The following KCNH7 variants were observed in gnomAD, a reference collection of about 807,000 sequenced individuals.
The protein encoded by KCNH7 is voltage-gated inwardly rectifying potassium channel KCNH7.
A neutral mutation model predicts 120.8 loss-of-function variants in KCNH7; 49 were observed. The observed-to-expected ratio is 0.41, with a 90% CI of 0.32 to 0.51. The LOEUF (loss-of-function observed/expected upper bound fraction) is 0.51, where lower values mean the gene tolerates loss of function less well. KCNH7 is among the 20% of genes least tolerant of loss of function. The pLI, the probability that KCNH7 is intolerant of heterozygous loss-of-function variation, is 0.38. For missense variants in KCNH7, 1,097 were observed against 1,446.6 expected (o/e 0.76, Z 3.92); for synonymous variants, 547 against 516.1 (o/e 1.06, Z -0.81).
intron 2 of KCNH7, among the ~76,000 whole-genome samples, chr2:162,587,236 T>C (rs1179458366): frequency 1.3e-5 from 2 of 151,020 alleles, no homozygotes; most frequent in Non-Finnish European, 3.0e-5. Context: ...ATTGACTACA[T>C]CTTTTATTTG....
intron 2 of KCNH7, among the ~76,000 whole-genome samples, chr2:162,645,106 A>G (rs1439116270): frequency 1.3e-5 from 2 of 152,062 alleles, no homozygotes; most frequent in African/African-American, 4.8e-5. Context: ...AAAAATCCCC[A>G]TGGCACTACT....
At chr2:162,381,393 C>T (rs1227265621) in intron 13 of KCNH7, among the ~76,000 whole-genome samples, 1 of 152,070 alleles carries the variant, frequency 6.6e-6, no homozygotes, top group Non-Finnish European at 1.5e-5. Context: ...AAGTTCCTTC[C>T]TTTCCTGCAG....
At chr2:162,773,413 A>G (rs1460733222) in intron 2 of KCNH7, among the ~76,000 whole-genome samples, 2 of 152,132 alleles carry the variant, frequency 1.3e-5, no homozygotes, top group African/African-American at 4.8e-5. Context: ...GCTCGAACCC[A>G]GGAGGTGGAG....
intron 2 of KCNH7, among the ~76,000 whole-genome samples, chr2:162,622,703 T>C (rs1380559960): frequency 6.6e-6 from 1 of 152,150 alleles, no homozygotes; most frequent in African/African-American, 2.4e-5. Context: ...TATGTGCCAC[T>C]AAGAGGCCAG....
At chr2:162,706,383 A>T (rs2105350710) in intron 2 of KCNH7, among the ~76,000 whole-genome samples, 1 of 152,142 alleles carries the variant, frequency 6.6e-6, no homozygotes, top group Non-Finnish European at 1.5e-5. Context: ...CAGTTTCCAT[A>T]TACTTCCCAC....
chr2:162,819,581 T>C (rs754261858), intron 2 of KCNH7, among the ~76,000 whole-genome samples: 9 of 152,204 alleles, frequency 5.9e-5, no homozygotes, highest in Non-Finnish European at 8.8e-5. Context: ...GGTATATGGA[T>C]CATTCCTTCC....
chr2:162,486,072 G>A (rs1690085987), intron 6 of KCNH7, among the ~76,000 whole-genome samples: 1 of 152,170 alleles, frequency 6.6e-6, no homozygotes, highest in Admixed American at 6.5e-5. Flanking sequence ...AGACCATTAT[G>A]CGATATTTTT....
At chr2:162,542,251 A>G in intron 2 of KCNH7, among the ~76,000 whole-genome samples, 1 of 138,320 alleles carries the variant, frequency 7.2e-6, no homozygotes, top group Non-Finnish European at 1.6e-5. Context: ...GCTTCTTTTT[A>G]TTATTATTAT....
chr2:162,401,324 T>C (rs1687058221), intron 9 of KCNH7, among the ~76,000 whole-genome samples: 2 of 151,896 alleles, frequency 1.3e-5, no homozygotes, highest in Admixed American at 6.6e-5. Flanking sequence ...GGGTGGCGTA[T>C]GTAGATTTTA....
At chr2:162,448,817 G>A (rs1027918135) in intron 6 of KCNH7, among the ~76,000 whole-genome samples, 3 of 152,042 alleles carry the variant, frequency 2.0e-5, no homozygotes, top group Non-Finnish European at 2.9e-5. Flanking sequence ...CACTGTCCCT[G>A]AGATCTTGGA....
At chr2:162,643,491 A>T (rs1192165680) in intron 2 of KCNH7, among the ~76,000 whole-genome samples, 2 of 152,182 alleles carry the variant, frequency 1.3e-5, no homozygotes, top group Non-Finnish European at 2.9e-5. Context: ...TGGAAAAAGT[A>T]AAGTGGATTT....
intron 1 of KCNH7, among the ~76,000 whole-genome samples, chr2:162,837,626 T>G: frequency 6.6e-6 from 1 of 152,202 alleles, no homozygotes; most frequent in East Asian, 1.9e-4. Context: ...ACAAATGTAT[T>G]AATATAGTTT....
At chr2:162,681,991 T>C (rs888231967) in intron 2 of KCNH7, among the ~76,000 whole-genome samples, 1 of 151,706 alleles carries the variant, frequency 6.6e-6, no homozygotes, top group Non-Finnish European at 1.5e-5. Context: ...CTGTGTTTTT[T>C]TTCAAAAGTA....
rs191003129 is a variant in KCNH7, at chr2:162,630,441, G to A, written c.308-93361C>T. Among the ~76,000 whole-genome samples the A allele has an allele frequency of 2.0e-3, 305 of 151,578 alleles. 2 individuals carry two copies. Among genetic ancestry groups the A allele is most frequent in the African/African-American group, 6.8e-3 (281 of 41,300 alleles). On this transcript the variant is annotated intron_variant, in intron 2 of 15. Coordinates refer to ENST00000332142, the MANE Select transcript of KCNH7 (RefSeq NM_033272.4). ...AGGAACATCTACAACCAATAGATGCGGGAAGAAGAGGAATAAAAACTAACA... is the reference window on the plus strand; with the variant it reads ...AGGAACATCTACAACCAATAGATGCAGGAAGAAGAGGAATAAAAACTAACA...
chr2:162,431,413 A>G (rs1475033076), intron 8 of KCNH7, among the ~76,000 whole-genome samples: 2 of 152,022 alleles, frequency 1.3e-5, no homozygotes, highest in Non-Finnish European at 2.9e-5. Context: ...ATTTTTGAAT[A>G]TAGTTAGATT....
chr2:162,679,707 T>C (rs1000332743), intron 2 of KCNH7, among the ~76,000 whole-genome samples: 3 of 151,780 alleles, frequency 2.0e-5, no homozygotes, highest in Admixed American at 6.6e-5. Flanking sequence ...CTTTACAGTG[T>C]TGTTTTTAAT....
chr2:162,615,529 T>G (rs1294300213), intron 2 of KCNH7, among the ~76,000 whole-genome samples: 9 of 152,108 alleles, frequency 5.9e-5, no homozygotes, highest in Non-Finnish European at 5.9e-5. Flanking sequence ...CTTAAAAAAT[T>G]TATTAGGGTT....
chr2:162,436,523 A>C (rs1381208313), intron 7 of KCNH7, among the ~76,000 whole-genome samples: 1 of 152,138 alleles, frequency 6.6e-6, no homozygotes, highest in East Asian at 1.9e-4. Context: ...TGGACTTCAA[A>C]TCTGATAAGT....
chr2:162,450,308 C>T (rs948736971), intron 6 of KCNH7, among the ~76,000 whole-genome samples: 4 of 152,006 alleles, frequency 2.6e-5, no homozygotes, highest in Non-Finnish European at 5.9e-5. Context: ...CGCCCATTGA[C>T]ACAGAACCAC....
Sources: allele counts gnomAD v4.1 joint callset (sites outside exome capture counted in the v4.1 genomes callset), GRCh38; gene constraint gnomAD v4.1.1; transcripts MANE v1.5; gene names NCBI Gene and HGNC (gene_info 2026-07-23, HGNC 2026-07-21).